DNAH8: variants seen among roughly 807,000 people sequenced by gnomAD.
DNAH8 encodes the protein axonemal beta dynein heavy chain 8.
Under a neutral mutation model 562.1 loss-of-function variants are expected in DNAH8, and 382 were observed. The ratio of observed to expected loss-of-function variants is 0.68; its 90% CI spans 0.63 to 0.74. The LOEUF is 0.74. Among genes scored for constraint, DNAH8 ranks in the 30% least tolerant of loss-of-function variants. The pLI, the probability that DNAH8 is intolerant of heterozygous loss-of-function variation, is 0.00. For missense variants in DNAH8, 5,203 were observed against 5,620.4 expected (o/e 0.93, Z 2.37); for synonymous variants, 1,881 against 1,919.4 (o/e 0.98, Z 0.52).
intron 42 of DNAH8, among the ~76,000 whole-genome samples, chr6:38,859,737 C>T (rs1349289075): frequency 6.6e-6 from 1 of 152,158 alleles, no homozygotes; most frequent in Admixed American, 6.5e-5. Context: ...CTATGAGAGC[C>T]CAGTACCTCT....
chr6:38,813,196 C>A (rs930068785), intron 24 of DNAH8, among the ~76,000 whole-genome samples: 1 of 152,182 alleles, frequency 6.6e-6, no homozygotes, highest in African/African-American at 2.4e-5. Flanking sequence ...TCTCAAATTA[C>A]ACACTTTGAA....
intron 56 of DNAH8, among the ~76,000 whole-genome samples, chr6:38,884,625 C>T (rs1778778339): frequency 6.6e-6 from 1 of 152,174 alleles, no homozygotes; most frequent in South Asian, 2.1e-4. Flanking sequence ...AATGCCTCCT[C>T]TCTCTTTGGC....
At chr6:38,788,441 C>T (rs896226783) in intron 18 of DNAH8, among the ~76,000 whole-genome samples, 3 of 152,296 alleles carry the variant, frequency 2.0e-5, no homozygotes, top group East Asian at 3.9e-4. Flanking sequence ...TGAGCCACTG[C>T]GCCCGGCCTA....
chr6:38,906,904 C>T (rs1345036640), intron 63 of DNAH8, among the ~76,000 whole-genome samples: 1 of 152,158 alleles, frequency 6.6e-6, no homozygotes, highest in Non-Finnish European at 1.5e-5. Context: ...AAATCTGAAA[C>T]TTTTTGAGCA....
chr6:38,839,809 T>A (rs1017890902), intron 33 of DNAH8, among the ~76,000 whole-genome samples: 1 of 152,090 alleles, frequency 6.6e-6, no homozygotes, highest in Non-Finnish European at 1.5e-5. Flanking sequence ...ATTATAGGCA[T>A]GTGCCACCAT....
chr6:38,872,017 T>G (rs1474534894), intron 49 of DNAH8, among the ~76,000 whole-genome samples: 5 of 152,238 alleles, frequency 3.3e-5, no homozygotes, highest in African/African-American at 1.2e-4. Context: ...ATTCCTGTCC[T>G]GCTTTCCTCT....
At chr6:38,932,361 G>A in intron 76 of DNAH8, among the ~76,000 whole-genome samples, 1 of 152,176 alleles carries the variant, frequency 6.6e-6, no homozygotes, top group Admixed American at 6.5e-5. Context: ...TCTTTCCACT[G>A]TAGTAGTTTC....
chr6:38,871,816 G>A (rs1293698855), intron 49 of DNAH8, among the ~76,000 whole-genome samples: 2 of 152,116 alleles, frequency 1.3e-5, no homozygotes, highest in African/African-American at 4.8e-5. Flanking sequence ...GGTGCTGCAC[G>A]GGAGTTTATT....
intron 5 of DNAH8, among the ~76,000 whole-genome samples, chr6:38,736,667 G>A (rs1562594008): frequency 1.3e-5 from 2 of 151,812 alleles, no homozygotes; most frequent in Admixed American, 6.6e-5. Flanking sequence ...GTTTCTTACG[G>A]CTGGTAATTT....
rs372803084 is a variant in DNAH8, at chr6:38,718,753, G to T, written c.-35+3338G>T. Among the ~76,000 whole-genome samples the T allele has an allele frequency of 4.6e-5, 7 of 152,158 alleles. No homozygotes were observed. In the South Asian group the frequency reaches 1.0e-3, roughly 22 times the overall value. ...TCAGTGTTCACAGTCACAAAAGTCTGCTTGTATAAAAACCACATTTATTAT... is the reference window on the plus strand; with the variant it reads ...TCAGTGTTCACAGTCACAAAAGTCTTCTTGTATAAAAACCACATTTATTAT... On this transcript the variant is annotated intron_variant, in intron 1 of 92. Coordinates refer to ENST00000327475, the MANE Select transcript of DNAH8 (RefSeq NM_001206927.2).
At position 38,752,168 on chromosome 6, in the gene DNAH8, C is replaced by G. The variant is rs180982691; in HGVS notation, c.1407+1579C>G. 6.6e-5 allele frequency among the ~76,000 whole-genome samples: 10 copies of G among 151,278 alleles called. 1 individual carries two copies. The highest frequency in any genetic ancestry group is 5.2e-4 in the Admixed American group (8 of 15,272). ...ATGCTTCCTCTTTCCTTCCTCCCCC[C>G]ACCCCACCACCCCGGGATGGAGTCT... On this transcript the variant is annotated intron_variant, in intron 9 of 92. Transcript: ENST00000327475.
chr6:38,873,225 CTT>C lies in DNAH8; in HGVS notation c.7480-9_7480-8del. The C allele has an allele frequency of 6.2e-7, 1 of 1,612,588 alleles. No homozygotes were observed. Among genetic ancestry groups the C allele is most frequent in the Non-Finnish European group, 8.5e-7 (1 of 1,179,614 alleles). On this transcript the variant is annotated splice_polypyrimidine_tract_variant and intron_variant, in intron 51 of 92. Coordinates refer to ENST00000327475, the MANE Select transcript of DNAH8 (RefSeq NM_001206927.2). The stretch of plus-strand genomic sequence containing the variant: ...TTCTCAATAAACACAGATTCTGTTT[CTT>C]TGTTGCAGGCATGGTTGAAGAAACG...
At chr6:38,870,613 A>G in intron 49 of DNAH8, 51 bp downstream of exon 49, 1 of 1,534,364 alleles carries the variant, frequency 6.5e-7, no homozygotes, top group Non-Finnish European at 8.9e-7. Context: ...TGTGTTAAAC[A>G]TTCCTGTCTG....
chr6:38,939,864 G>A (rs1783297579), intron 79 of DNAH8, among the ~76,000 whole-genome samples: 1 of 152,210 alleles, frequency 6.6e-6, no homozygotes, highest in Non-Finnish European at 1.5e-5. Context: ...CCCTGAAGAG[G>A]TAGAAATGAG....
intron 10 of DNAH8, 94 bp downstream of exon 10, chr6:38,756,173 G>A (rs527809957): frequency 5.1e-6 from 4 of 778,678 alleles, no homozygotes; most frequent in East Asian, 2.5e-5. Flanking sequence ...GGAAGCCTAA[G>A]TGCCTCTCAG....
At chr6:38,735,061 G>A (rs908808482) in intron 5 of DNAH8, among the ~76,000 whole-genome samples, 1 of 152,142 alleles carries the variant, frequency 6.6e-6, no homozygotes, top group African/African-American at 2.4e-5. Flanking sequence ...ACCGAAATTT[G>A]CCTCTTAGCT....
At chr6:38,722,175 A>G (rs1038469457) in intron 1 of DNAH8, among the ~76,000 whole-genome samples, 10 of 152,146 alleles carry the variant, frequency 6.6e-5, no homozygotes, top group Non-Finnish European at 4.4e-5. Context: ...AATAGTCACA[A>G]TCACTTTTCA....
intron 18 of DNAH8, among the ~76,000 whole-genome samples, chr6:38,788,460 C>A (rs1038179406): frequency 6.6e-6 from 1 of 152,102 alleles, no homozygotes; most frequent in Non-Finnish European, 1.5e-5. Flanking sequence ...TATTGTTTGT[C>A]ATTTTTATGA....
intron 88 of DNAH8, among the ~76,000 whole-genome samples, chr6:39,005,992 T>G (rs1340165775): frequency 6.6e-6 from 1 of 152,228 alleles, no homozygotes; most frequent in African/African-American, 2.4e-5. Flanking sequence ...AGCCAAGAAG[T>G]GCAGGTGGCC....
Sources: allele counts gnomAD v4.1 joint callset (sites outside exome capture counted in the v4.1 genomes callset), GRCh38; gene constraint gnomAD v4.1.1; transcripts MANE v1.5; gene names NCBI Gene and HGNC (gene_info 2026-07-23, HGNC 2026-07-21).